GLDC: variants seen among roughly 807,000 people sequenced by gnomAD.
GLDC encodes the protein glycine decarboxylase.
GLDC carries 104 observed loss-of-function variants against 121.3 expected under a neutral mutation model. That is an observed-to-expected ratio of 0.86 (90% confidence interval 0.73 to 1.01). The LOEUF (loss-of-function observed/expected upper bound fraction) is 1.01. Ranked by LOEUF, GLDC falls within the 50% of genes least tolerant of loss-of-function variation. GLDC has a pLI of 0.00. For synonymous variants in GLDC, 546 were observed against 480.6 expected (o/e 1.14, Z -1.78); for missense variants, 1,429 against 1,306.6 (o/e 1.09, Z -1.44).
In GLDC at chr9:6,555,371, T is replaced by C. The variant is rs551421913; in HGVS notation, c.2203-590A>G. Among the ~76,000 whole-genome samples the C allele has an allele frequency of 2.7e-4, 41 of 152,228 alleles. No individual in the cohort carries two copies. The East Asian group carries it at 7.7e-3, about 29-fold the overall frequency. ...TGGGTGTTAGGACTAATTTTGATGG[T>C]GACCAAAGGTACAGAATTCATTTAT... On this transcript the variant is annotated intron_variant, in intron 18 of 24. Transcript: ENST00000321612.
rs1472951334 is a variant in GLDC, at chr9:6,588,683, T to C, written c.1600A>G (p.Ile534Val). The C allele has an allele frequency of 6.2e-7, 1 of 1,613,234 alleles. No homozygotes were observed. The highest frequency in any genetic ancestry group is 2.2e-5 in the East Asian group (1 of 44,886). The change falls in exon 13 of 25, where the codon ATT becomes GTT. Residue 534 changes from isoleucine to valine, a missense_variant. Transcript: ENST00000321612. ...TCCAGTTTCTTCATGTACCGGACAA[T>C]GTTTGTTTCAGAGTGGTAGCTGTGA... ...VFNSYHSETNIVRYMKKLENK... is the reference protein window; with the variant it reads ...VFNSYHSETNVVRYMKKLENK...
chr9:6,595,641 G>A (rs1818477294), intron 8 of GLDC, among the ~76,000 whole-genome samples: 1 of 152,200 alleles, frequency 6.6e-6, no homozygotes, highest in Non-Finnish European at 1.5e-5. Context: ...GTTGAATGGA[G>A]AATCTGTGGC....
In GLDC at chr9:6,543,349, C is replaced by T. The variant is rs187181897; in HGVS notation, c.2570-3203G>A. Among the ~76,000 whole-genome samples, 5 of 152,240 alleles carry T rather than the reference C, an allele frequency of 3.3e-5. No homozygotes were observed. In the East Asian group the frequency reaches 9.6e-4, roughly 29 times the overall value. On this transcript the variant is annotated intron_variant, in intron 21 of 24. Coordinates refer to ENST00000321612, the MANE Select transcript of GLDC (RefSeq NM_000170.3). ...AATGGAAGCTCACTGCTCGGAATGA[C>T]ACCAGACAGCAGGGAGGGGAGGAGG...
intron 21 of GLDC, among the ~76,000 whole-genome samples, chr9:6,548,154 G>T (rs1284688485): frequency 6.6e-6 from 1 of 152,104 alleles, no homozygotes; most frequent in Non-Finnish European, 1.5e-5. Context: ...ATGATCAATT[G>T]TACAAACAAA....
intron 2 of GLDC, chr9:6,623,148 A>G (rs1819151685): frequency 5.7e-6 from 1 of 175,582 alleles, no homozygotes; most frequent in Non-Finnish European, 1.1e-5. Flanking sequence ...GGCCATGATG[A>G]CAATGGCGGT....
At chr9:6,637,211 C>A (rs967317164) in intron 2 of GLDC, among the ~76,000 whole-genome samples, 3 of 152,004 alleles carry the variant, frequency 2.0e-5, no homozygotes, top group Non-Finnish European at 4.4e-5. Flanking sequence ...TCGAAACCAG[C>A]CTGGCCAACA....
chr9:6,544,832 G>A (rs1457734678), intron 21 of GLDC, among the ~76,000 whole-genome samples: 1 of 152,118 alleles, frequency 6.6e-6, no homozygotes, highest in Non-Finnish European at 1.5e-5. Flanking sequence ...CGGGGCAATG[G>A]CTCACACCTG....
At chr9:6,588,808 C>T in intron 12 of GLDC, 106 bp from the exon 13 acceptor site, 1 of 775,858 alleles carries the variant, frequency 1.3e-6, no homozygotes, top group Non-Finnish European at 2.3e-6. Context: ...AAATGCAGAT[C>T]AATTTTGGCC....
At position 6,610,852 on chromosome 9, in the gene GLDC, G is replaced by A. The variant is rs141727695; in HGVS notation, c.471-496C>T. On this transcript the variant is annotated intron_variant, in intron 3 of 24. Transcript: ENST00000321612. ...TGAGCTCAAGCAATCCACCTGCCTC[G>A]GCCTGCCAACATGCTGGCATTATAG... Among the ~76,000 whole-genome samples, 193 of 152,136 alleles carry A rather than the reference G, an allele frequency of 1.3e-3. 4 individuals are homozygous for A. In the East Asian group the frequency reaches 0.02, roughly 15 times the overall value.
At chr9:6,608,378 C>T (rs1295540916) in intron 4 of GLDC, among the ~76,000 whole-genome samples, 7 of 147,600 alleles carry the variant, frequency 4.7e-5, no homozygotes, top group Non-Finnish European at 8.9e-5. Context: ...GCCGAGATAG[C>T]GCCAGTGCAC....
chr9:6,645,422 C>A lies in GLDC; in HGVS notation c.78G>T (p.Ser26=), dbSNP rs915226152. 3 of 1,336,976 alleles carry A rather than the reference C, an allele frequency of 2.2e-6. No homozygotes were observed. Among genetic ancestry groups the A allele is most frequent in the African/African-American group, 3.1e-5 (2 of 65,516 alleles). 82.8% of individuals were successfully genotyped at this position (1,336,976 alleles called of 1,614,324 possible). ...VGGGRRLAGG[S]GPCWAPRSRD... is the part of the protein sequence containing the mutation. ...GGCTCCGCGGCGCCCAGCACGGCCC[C>A]GATCCCCCAGCCAGGCGGCGGCCGC... The change falls in exon 1 of 25, where the codon TCG becomes TCT. Residue 26 remains serine, a synonymous_variant. Transcript: ENST00000321612.
chr9:6,580,392 G>T (rs1042808100), intron 15 of GLDC, among the ~76,000 whole-genome samples: 50 of 152,286 alleles, frequency 3.3e-4, no homozygotes, highest in African/African-American at 1.2e-3. Flanking sequence ...CCAGAACCAG[G>T]GATTCCGCCC....
intron 2 of GLDC, among the ~76,000 whole-genome samples, chr9:6,633,335 G>T (rs1819430256): frequency 6.6e-6 from 1 of 151,934 alleles, no homozygotes; most frequent in Admixed American, 6.6e-5. Context: ...TCCATCCCTG[G>T]GAAATTTCAC....
At chr9:6,574,678 A>C (rs537598089) in intron 15 of GLDC, among the ~76,000 whole-genome samples, 2 of 152,226 alleles carry the variant, frequency 1.3e-5, no homozygotes, top group East Asian at 3.9e-4. Context: ...ATTTCCCGAA[A>C]GACGGCTCTC....
At chr9:6,579,733 G>C (rs574681255) in intron 15 of GLDC, among the ~76,000 whole-genome samples, 1 of 152,186 alleles carries the variant, frequency 6.6e-6, no homozygotes, top group Non-Finnish European at 1.5e-5. Flanking sequence ...CCAGCTCTGA[G>C]ATCGAAGTTG....
In GLDC at chr9:6,534,310, A is replaced by G. The variant is rs866264395; in HGVS notation, c.2919+398T>C. On this transcript the variant is annotated intron_variant, in intron 24 of 24. Coordinates refer to ENST00000321612, the MANE Select transcript of GLDC (RefSeq NM_000170.3). ...TACTGCATAGATCCATAAACAGCACATAGCATAATTTGGCACATTTTTAGC... is the reference window on the plus strand; with the variant it reads ...TACTGCATAGATCCATAAACAGCACGTAGCATAATTTGGCACATTTTTAGC... 3 of 273,430 alleles carry G rather than the reference A, an allele frequency of 1.1e-5. 1 individual carries two copies. The highest frequency in any genetic ancestry group is 2.6e-3 in the Middle Eastern group (2 of 772). The allele number at this position is 273,430 out of a possible 1,614,324, so 16.9% of individuals were successfully genotyped here. A position where few individuals can be genotyped will look rare whatever the true frequency, so the allele number is the denominator to read the frequency against.
intron 15 of GLDC, among the ~76,000 whole-genome samples, chr9:6,583,188 C>G (rs974964394): frequency 1.3e-5 from 2 of 152,076 alleles, no homozygotes; most frequent in African/African-American, 4.8e-5. Flanking sequence ...TAAAATTACC[C>G]TATATCCAAA....
At chr9:6,582,582 CACTTT>C (rs1818191796) in intron 15 of GLDC, among the ~76,000 whole-genome samples, 1 of 151,996 alleles carries the variant, frequency 6.6e-6, no homozygotes, top group East Asian at 1.9e-4. Flanking sequence ...GTAATCCCAG[CACTTT>C]GAGAGGCCGA....
chr9:6,587,445 GT>G (rs1818293536), intron 14 of GLDC, among the ~76,000 whole-genome samples, 162 bp from the exon 15 acceptor site: 1 of 152,094 alleles, frequency 6.6e-6, no homozygotes, highest in African/African-American at 2.4e-5. Flanking sequence ...ACCTTATAAG[GT>G]AAGTACCGTT....
Sources: gnomAD v4.1 joint callset for allele counts (sites outside exome capture counted in the v4.1 genomes callset) on GRCh38, gnomAD v4.1.1 for gene constraint, MANE v1.5 for transcripts, NCBI Gene and HGNC (gene_info 2026-07-23, HGNC 2026-07-21) for gene names.